AGPAT5: variants seen among roughly 807,000 people sequenced by gnomAD.
AGPAT5 encodes 1-acylglycerol-3-phosphate O-acyltransferase 5.
AGPAT5 carries 46 observed loss-of-function variants against 45.6 expected under a neutral mutation model. The ratio of observed to expected loss-of-function variants is 1.01; its 90% CI spans 0.80 to 1.29. The LOEUF is 1.29. AGPAT5 is among the 50% of genes most tolerant of loss of function. The pLI is 0.00. For synonymous variants in AGPAT5, 272 were observed against 167.0 expected (o/e 1.63, Z -4.85); for missense variants, 673 against 450.7 (o/e 1.49, Z -4.47).
Position 6,758,957 on chromosome 8 carries a change from G to A in AGPAT5, c.*1569G>A, listed in dbSNP as rs1801936637. On this transcript the variant is annotated 3_prime_UTR_variant, in exon 8 of 8. Coordinates refer to ENST00000285518, the MANE Select transcript of AGPAT5 (RefSeq NM_018361.5). ...GATTAAGGGAAAATTAAGTGACTGT[G>A]TTACACTGCTTCTCCCATGCCAGAG... The A allele has an allele frequency of 6.6e-6, 1 of 152,560 alleles. No homozygotes were observed. The highest frequency in any genetic ancestry group is 2.1e-4 in the South Asian group (1 of 4,830). 9.5% of individuals were successfully genotyped at this position (152,560 alleles called of 1,614,324 possible).
intron 5 of AGPAT5, 128 bp from the exon 6 acceptor site, chr8:6,747,542 A>G (rs1563304045): frequency 2.3e-6 from 2 of 864,100 alleles, no homozygotes; most frequent in African/African-American, 1.7e-5. Context: ...CCCTAAATAT[A>G]TGAGGTTGTG....
chr8:6,733,784 AC>A (rs1800947256), intron 4 of AGPAT5, among the ~76,000 whole-genome samples: 3 of 152,272 alleles, frequency 2.0e-5, no homozygotes, highest in African/African-American at 7.2e-5. Flanking sequence ...CTGTCCAGTC[AC>A]CCCAGCAATG....
At chr8:6,741,057 A>T (rs1169925333) in intron 4 of AGPAT5, among the ~76,000 whole-genome samples, 1 of 152,146 alleles carries the variant, frequency 6.6e-6, no homozygotes, top group Non-Finnish European at 1.5e-5. Flanking sequence ...TTAAACGTCC[A>T]GCTTGATATT....
intron 2 of AGPAT5, among the ~76,000 whole-genome samples, chr8:6,727,173 C>T (rs760710820): frequency 2.6e-5 from 4 of 152,130 alleles, no homozygotes; most frequent in Admixed American, 1.3e-4. Flanking sequence ...TGTCTTCTGC[C>T]AGGCTTGCCG....
chr8:6,747,566 C>A (rs994381625), intron 5 of AGPAT5, 104 bp from the exon 6 acceptor site: 27 of 1,081,004 alleles, frequency 2.5e-5, no homozygotes, highest in South Asian at 1.7e-5. Flanking sequence ...TTAATAGATT[C>A]TGTTGTGTGT....
chr8:6,711,178 C>G (rs1221536075), intron 1 of AGPAT5, among the ~76,000 whole-genome samples: 1 of 152,122 alleles, frequency 6.6e-6, no homozygotes, highest in Non-Finnish European at 1.5e-5. Context: ...AGAATATTTT[C>G]TTTTACATAG....
intron 4 of AGPAT5, among the ~76,000 whole-genome samples, chr8:6,734,411 T>A (rs1800971920): frequency 6.6e-6 from 1 of 152,196 alleles, no homozygotes; most frequent in Admixed American, 6.5e-5. Context: ...TCTTCATCTC[T>A]GCTACTGCGT....
At chr8:6,711,088 TA>T (rs1479280190) in intron 1 of AGPAT5, among the ~76,000 whole-genome samples, 1 of 152,132 alleles carries the variant, frequency 6.6e-6, no homozygotes, top group East Asian at 1.9e-4. Context: ...CATTTTAAAA[TA>T]AAATTTTTTT....
At chr8:6,742,514 C>G (rs1027344951) in intron 5 of AGPAT5, among the ~76,000 whole-genome samples, 3 of 152,076 alleles carry the variant, frequency 2.0e-5, no homozygotes, top group African/African-American at 7.2e-5. Flanking sequence ...GAGCAAATAC[C>G]TTGTTGGTGA....
rs777479219 is a variant in AGPAT5 at position 6,732,695 on chromosome 8, C to G, written c.495+45C>G. 13 of 1,428,202 alleles carry G rather than the reference C, an allele frequency of 9.1e-6. No homozygotes were observed. The South Asian group carries it at 1.6e-4, about 17-fold the overall frequency. The allele number at this position is 1,428,202 out of a possible 1,614,324, so 88.5% of individuals were successfully genotyped here. ...TATTTTTCTTACCAGCTCTCAGTTT[C>G]TAAATTTAAGAATTAAATTAAAATC... On this transcript the variant is annotated intron_variant, in intron 4 of 7. Coordinates refer to ENST00000285518, the MANE Select transcript of AGPAT5 (RefSeq NM_018361.5).
At chr8:6,729,533 T>C (rs1426913183) in intron 2 of AGPAT5, among the ~76,000 whole-genome samples, 1 of 152,170 alleles carries the variant, frequency 6.6e-6, no homozygotes, top group African/African-American at 2.4e-5. Context: ...ATGTTTTCTT[T>C]CTCATCAGGA....
intron 1 of AGPAT5, among the ~76,000 whole-genome samples, chr8:6,719,808 A>G (rs1800443657): frequency 6.6e-6 from 1 of 152,216 alleles, no homozygotes; most frequent in South Asian, 2.1e-4. Context: ...GTGGTATTCT[A>G]CATGATAATC....
intron 1 of AGPAT5, 76 bp downstream of exon 1, chr8:6,708,963 G>A: frequency 7.1e-7 from 1 of 1,417,958 alleles, no homozygotes; most frequent in Non-Finnish European, 9.6e-7. Context: ...CTCCCCCACA[G>A]CTGGCGAGGG....
At chr8:6,732,736 C>G (rs950059659) in intron 4 of AGPAT5, 86 bp downstream of exon 4, 137 of 1,199,926 alleles carry the variant, frequency 1.1e-4, no homozygotes, top group Non-Finnish European at 1.4e-4. Context: ...ATTGTTTTGA[C>G]AATGTATTTT....
intron 4 of AGPAT5, among the ~76,000 whole-genome samples, chr8:6,735,039 G>A (rs1587033970): frequency 6.6e-6 from 1 of 152,142 alleles, no homozygotes; most frequent in Non-Finnish European, 1.5e-5. Context: ...GAAGGAGAGG[G>A]AAGGGAAGTG....
rs1802031585 is a variant in AGPAT5, at chr8:6,761,192, G to C, written c.*3804G>C. On this transcript the variant is annotated 3_prime_UTR_variant, in exon 8 of 8. Transcript: ENST00000285518. ...AAGTACTTCTAATATACTGAGGGAAGTATAATATGTGGAACAAACTCTCAA... is the reference window on the plus strand; with the variant it reads ...AAGTACTTCTAATATACTGAGGGAACTATAATATGTGGAACAAACTCTCAA... Among the ~76,000 whole-genome samples, 1 of 152,180 alleles carries C rather than the reference G, an allele frequency of 6.6e-6. No homozygotes were observed. The highest frequency in any genetic ancestry group is 2.1e-4 in the South Asian group (1 of 4,828).
Position 6,747,659 on chromosome 8 carries a change from T to C in AGPAT5, c.587-11T>C. 1 of 1,605,784 alleles carries C rather than the reference T, an allele frequency of 6.2e-7. No homozygotes were observed. ...GTAACTAATTAATGACGGCACTGAA[T>C]TGACTTCTAGGCCTTGCAGTATTAA... On this transcript the variant is annotated splice_polypyrimidine_tract_variant and intron_variant, in intron 5 of 7. Transcript: ENST00000285518.
chr8:6,715,817 G>C (rs1800310095), intron 1 of AGPAT5, among the ~76,000 whole-genome samples: 1 of 152,226 alleles, frequency 6.6e-6, no homozygotes, highest in Admixed American at 6.5e-5. Context: ...GCTTGGGTTA[G>C]TGGAGAAGGC....
At chr8:6,716,594 G>A (rs767329397) in intron 1 of AGPAT5, among the ~76,000 whole-genome samples, 8 of 152,104 alleles carry the variant, frequency 5.3e-5, no homozygotes, top group Non-Finnish European at 7.4e-5. Context: ...AAGCACTTTG[G>A]GAGGCTGAGG....
Sources: gnomAD v4.1 joint callset for allele counts (sites outside exome capture counted in the v4.1 genomes callset) on GRCh38, gnomAD v4.1.1 for gene constraint, MANE v1.5 for transcripts, NCBI Gene and HGNC (gene_info 2026-07-23, HGNC 2026-07-21) for gene names.